Variants in ASTN2 observed in about 807,000 individuals in gnomAD.
The protein encoded by ASTN2 is astrotactin-2.
Under a neutral mutation model 139.8 loss-of-function variants are expected in ASTN2, and 54 were observed. The observed-to-expected ratio is 0.39, with a 90% CI of 0.31 to 0.48. ASTN2 has a LOEUF of 0.48. ASTN2 is among the 20% of genes least tolerant of loss of function. The pLI is 0.95. For synonymous variants in ASTN2, 756 were observed against 719.5 expected (o/e 1.05, Z -0.81); for missense variants, 1,565 against 1,725.1 (o/e 0.91, Z 1.64).
chr9:116,428,194 G>A (rs1473361869), intron 22 of ASTN2, among the ~76,000 whole-genome samples: 1 of 144,244 alleles, frequency 6.9e-6, no homozygotes, highest in African/African-American at 2.4e-5. Flanking sequence ...AGGGAAACAT[G>A]TGTTGAGCCT....
chr9:117,249,735 G>A (rs960692998), intron 2 of ASTN2, among the ~76,000 whole-genome samples: 6 of 151,116 alleles, frequency 4.0e-5, no homozygotes, highest in African/African-American at 1.2e-4. Context: ...CTGAAATCCA[G>A]ATTTAAGAGG....
At chr9:117,186,419 C>T (rs1428578459) in intron 3 of ASTN2, among the ~76,000 whole-genome samples, 6 of 151,842 alleles carry the variant, frequency 4.0e-5, no homozygotes, top group African/African-American at 9.7e-5. Context: ...TGGTGGCGGG[C>T]GCCTGTAGTC....
At chr9:117,362,078 G>A (rs1829707346) in intron 1 of ASTN2, among the ~76,000 whole-genome samples, 1 of 152,166 alleles carries the variant, frequency 6.6e-6, no homozygotes, top group African/African-American at 2.4e-5. Flanking sequence ...GGGTTCAGGT[G>A]ATTCTCCTGC....
chr9:116,868,446 C>T (rs1488100321), intron 10 of ASTN2, among the ~76,000 whole-genome samples: 1 of 152,068 alleles, frequency 6.6e-6, no homozygotes, highest in Admixed American at 6.5e-5. Context: ...ACAGTAAGGC[C>T]CGTAAGAATG....
At chr9:116,665,262 G>C (rs191296248) in intron 16 of ASTN2, among the ~76,000 whole-genome samples, 9 of 152,250 alleles carry the variant, frequency 5.9e-5, no homozygotes, top group Admixed American at 4.6e-4. Context: ...TGACACAATT[G>C]GTATTGCTAT....
At chr9:116,768,313 C>G (rs944254255) in intron 13 of ASTN2, among the ~76,000 whole-genome samples, 2 of 151,794 alleles carry the variant, frequency 1.3e-5, no homozygotes, top group Non-Finnish European at 2.9e-5. Flanking sequence ...AACTGCTGGT[C>G]TCCATCTTTC....
intron 10 of ASTN2, among the ~76,000 whole-genome samples, chr9:116,910,632 T>G (rs1206551341): frequency 2.6e-5 from 4 of 152,184 alleles, no homozygotes; most frequent in Admixed American, 2.0e-4. Context: ...AATCCACCTT[T>G]GCCTGAGTTG....
At chr9:116,770,826 G>A (rs1189039433) in intron 13 of ASTN2, among the ~76,000 whole-genome samples, 2 of 152,078 alleles carry the variant, frequency 1.3e-5, no homozygotes, top group African/African-American at 4.8e-5. Flanking sequence ...ACTCTCTTGA[G>A]GGTTTTCCCC....
intron 2 of ASTN2, among the ~76,000 whole-genome samples, chr9:117,244,936 T>A (rs1833334592): frequency 6.6e-6 from 1 of 152,160 alleles, no homozygotes; most frequent in Admixed American, 6.5e-5. Context: ...TTATTTTGAC[T>A]TTTTTCAGTT....
At chr9:116,840,867 G>A (rs1182903910) in intron 11 of ASTN2, among the ~76,000 whole-genome samples, 1 of 151,452 alleles carries the variant, frequency 6.6e-6, no homozygotes, top group African/African-American at 2.4e-5. Flanking sequence ...GATGGCGGCC[G>A]GGTAGAGACG....
At chr9:116,693,898 T>G (rs1260054727) in intron 16 of ASTN2, among the ~76,000 whole-genome samples, 1 of 152,212 alleles carries the variant, frequency 6.6e-6, no homozygotes, top group Admixed American at 6.5e-5. Context: ...AGACGGGCTC[T>G]ATCTGCCTGT....
intron 19 of ASTN2, among the ~76,000 whole-genome samples, chr9:116,502,488 A>G (rs1849899529): frequency 6.6e-6 from 1 of 150,844 alleles, no homozygotes; most frequent in African/African-American, 2.4e-5. Flanking sequence ...GGCCAAAGAC[A>G]GAGAACCAGA....
chr9:116,636,325 A>G (rs1436732233), intron 17 of ASTN2, among the ~76,000 whole-genome samples: 1 of 152,224 alleles, frequency 6.6e-6, no homozygotes, highest in Non-Finnish European at 1.5e-5. Flanking sequence ...GGCAACGGAA[A>G]TAGCCTCTGT....
At chr9:116,925,861 A>AAC (rs573361389) in intron 10 of ASTN2, among the ~76,000 whole-genome samples, 19,744 of 53,874 alleles carry the variant, frequency 0.37, 1,879 homozygotes, top group East Asian at 0.68. Context: ...TACACAACAC[A>AAC]ACACACACAC....
At chr9:116,467,337 G>C in intron 20 of ASTN2, among the ~76,000 whole-genome samples, 1 of 152,098 alleles carries the variant, frequency 6.6e-6, no homozygotes, top group South Asian at 2.1e-4. Context: ...TGCGATCTTG[G>C]CTCACTGCAA....
At chr9:116,617,647 C>T (rs1027282847) in intron 19 of ASTN2, among the ~76,000 whole-genome samples, 1 of 152,174 alleles carries the variant, frequency 6.6e-6, no homozygotes, top group Non-Finnish European at 1.5e-5. Flanking sequence ...ACATTTAGCT[C>T]CGTGCCTGGC....
intron 16 of ASTN2, among the ~76,000 whole-genome samples, chr9:116,683,368 T>C (rs1015401247): frequency 3.9e-5 from 6 of 152,198 alleles, no homozygotes; most frequent in African/African-American, 1.4e-4. Context: ...ACATTATTAA[T>C]AATTATAATT....
chr9:116,621,971 T>A (rs1040804409), intron 17 of ASTN2, among the ~76,000 whole-genome samples: 1 of 152,218 alleles, frequency 6.6e-6, no homozygotes, highest in South Asian at 2.1e-4. Context: ...CTTTAAAACA[T>A]GAGGATTTCA....
chr9:116,658,496 A>G (rs1472657805), intron 16 of ASTN2, among the ~76,000 whole-genome samples: 1 of 152,138 alleles, frequency 6.6e-6, no homozygotes, highest in Non-Finnish European at 1.5e-5. Flanking sequence ...GTGAATCTCC[A>G]TGAGGTAGGA....
Sources: gnomAD v4.1 joint callset for allele counts (sites outside exome capture counted in the v4.1 genomes callset) on GRCh38, gnomAD v4.1.1 for gene constraint, MANE v1.5 for transcripts, NCBI Gene and HGNC (gene_info 2026-07-23, HGNC 2026-07-21) for gene names.